Variants in ARFGEF1 observed in about 807,000 individuals in gnomAD.
ARFGEF1 encodes ARF guanine nucleotide exchange factor 1.
Under a neutral mutation model 231.0 loss-of-function variants are expected in ARFGEF1, and 42 were observed. The observed-to-expected ratio is 0.18, with a 90% CI of 0.14 to 0.24. The LOEUF (loss-of-function observed/expected upper bound fraction) is 0.24, where lower values mean the gene tolerates loss of function less well. Among genes scored for constraint, ARFGEF1 ranks in the 10% least tolerant of loss-of-function variants. ARFGEF1 has a pLI of 1.00. For synonymous variants in ARFGEF1, 710 were observed against 732.3 expected, an observed-to-expected ratio of 0.97 and a Z score of 0.49; for missense variants, 1,345 against 2,192.0, an observed-to-expected ratio of 0.61 and a Z score of 7.72.
downstream of ARFGEF1, chr8:67,195,738 A>G (rs933454236): frequency 3.2e-6 from 2 of 629,570 alleles, no homozygotes; most frequent in South Asian, 2.1e-5. Flanking sequence ...ATCATGATGT[A>G]TATTATGTAC....
intron 22 of ARFGEF1, among the ~76,000 whole-genome samples, chr8:67,236,580 G>C (rs111231140): frequency 0.022 from 3,361 of 151,822 alleles, 79 homozygotes; most frequent in South Asian, 0.047. Context: ...TATCCAACGG[G>C]ACGGCCCAAC....
At chr8:67,248,868 T>C (rs563830222) in intron 19 of ARFGEF1, among the ~76,000 whole-genome samples, 1 of 150,808 alleles carries the variant, frequency 6.6e-6, no homozygotes, top group East Asian at 1.9e-4. Flanking sequence ...TACAGATTGT[T>C]TCATGAATGC....
chr8:67,291,393 C>A (rs1024265697), intron 6 of ARFGEF1, among the ~76,000 whole-genome samples: 1 of 150,104 alleles, frequency 6.7e-6, no homozygotes, highest in Non-Finnish European at 1.5e-5. Context: ...TACTCAAAAA[C>A]TTTGTTTTTA....
intron 23 of ARFGEF1, among the ~76,000 whole-genome samples, chr8:67,232,433 CA>C (rs1839584524): frequency 6.6e-6 from 1 of 151,778 alleles, no homozygotes; most frequent in African/African-American, 2.4e-5. Context: ...AAGTCCTTTC[CA>C]AAAAAGTTTA....
At chr8:67,268,775 T>C (rs1804951145) in intron 10 of ARFGEF1, among the ~76,000 whole-genome samples, 1 of 152,230 alleles carries the variant, frequency 6.6e-6, no homozygotes. Flanking sequence ...ACTATTGTCT[T>C]TGAAATACAT....
At chr8:67,294,059 T>C (rs1311669268) in intron 5 of ARFGEF1, among the ~76,000 whole-genome samples, 2 of 152,014 alleles carry the variant, frequency 1.3e-5, no homozygotes, top group Non-Finnish European at 2.9e-5. Context: ...TGAACAAACA[T>C]GTACAGACAA....
intron 19 of ARFGEF1, among the ~76,000 whole-genome samples, chr8:67,242,330 G>A (rs987212248): frequency 3.3e-5 from 5 of 152,242 alleles, no homozygotes; most frequent in Non-Finnish European, 7.3e-5. Flanking sequence ...GGAGAGGGAA[G>A]AATAAAGAGG....
chr8:67,315,327 C>T (rs994570635), intron 1 of ARFGEF1, among the ~76,000 whole-genome samples: 1 of 151,906 alleles, frequency 6.6e-6, no homozygotes, highest in Non-Finnish European at 1.5e-5. Flanking sequence ...AGTAAACATC[C>T]CTCTTACAAC....
chr8:67,263,277 C>T (rs1195524024), intron 14 of ARFGEF1, among the ~76,000 whole-genome samples: 2 of 152,102 alleles, frequency 1.3e-5, no homozygotes, highest in African/African-American at 4.8e-5. Context: ...CTTTGGTGCT[C>T]CAACACCTGT....
intron 19 of ARFGEF1, among the ~76,000 whole-genome samples, 187 bp downstream of exon 19, chr8:67,251,112 C>T (rs1481511474): frequency 6.6e-6 from 1 of 152,244 alleles, no homozygotes; most frequent in East Asian, 1.9e-4. Context: ...AGTAACTCCT[C>T]TTGTTCTCTT....
Position 67,227,250 on chromosome 8 carries a change from G to A in ARFGEF1, c.3803C>T (p.Ala1268Val), listed in dbSNP as rs761379423. ...CTTCCATCCAGATCGAATGTTAGCA[G>A]CTTGAGAATTAACCATCTGTGCTAT... ...RCIAQMVNSQ[A>V]ANIRSGWKNI... Residue 1268 changes from alanine (A) to valine (V), a missense_variant, in exon 27 of 39, where the codon GCT becomes GTT. Physicochemically the swap from Ala to Val is moderately conservative, Grantham distance 64 (BLOSUM62 0). Coordinates refer to ENST00000262215, the MANE Select transcript of ARFGEF1 (RefSeq NM_006421.5). 1 of 1,613,030 alleles carries A rather than the reference G, an allele frequency of 6.2e-7. No individual in the cohort carries two copies. Among genetic ancestry groups the A allele is most frequent in the South Asian group, 1.1e-5 (1 of 91,034 alleles).
chr8:67,211,932 G>A (rs1838765885), intron 33 of ARFGEF1, among the ~76,000 whole-genome samples: 1 of 152,016 alleles, frequency 6.6e-6, no homozygotes, highest in Non-Finnish European at 1.5e-5. Context: ...CTTTTGCAGG[G>A]GTGAATTTAG....
rs1839601439 is a variant in ARFGEF1, at chr8:67,232,957, A to G, written c.3290-12T>C. ...CACATTTCCTCCAACTACCACACAT[A>G]AAAAAAAGTCATTTCAGTTTGAAAA... is the stretch of plus-strand genomic sequence containing the variant. On this transcript the variant is annotated splice_polypyrimidine_tract_variant and intron_variant, in intron 22 of 38. Coordinates refer to ENST00000262215, the MANE Select transcript of ARFGEF1 (RefSeq NM_006421.5). The G allele has an allele frequency of 1.3e-6, 2 of 1,564,508 alleles. No homozygotes were observed. The highest frequency in any genetic ancestry group is 2.3e-5 in the East Asian group (1 of 44,016).
chr8:67,184,043 G>C (rs1427910634), intron 5 of ARFGEF1, among the ~76,000 whole-genome samples: 5 of 152,016 alleles, frequency 3.3e-5, no homozygotes, highest in Non-Finnish European at 7.4e-5. Flanking sequence ...AGTAGAGACG[G>C]GGTTTCACCG....
chr8:67,228,344 C>G, intron 23 of ARFGEF1, 80 bp from the exon 24 acceptor site: 1 of 1,347,878 alleles, frequency 7.4e-7, no homozygotes. Context: ...GCATGGGGTA[C>G]TAGCTATTTT....
intron 30 of ARFGEF1, among the ~76,000 whole-genome samples, chr8:67,218,365 G>A (rs1413242170): frequency 6.6e-6 from 1 of 150,612 alleles, no homozygotes; most frequent in Non-Finnish European, 1.5e-5. Flanking sequence ...AACCACCTAT[G>A]TATACAATAA....
At chr8:67,224,776 AATT>A in intron 29 of ARFGEF1, 124 bp downstream of exon 29, 1 of 526,350 alleles carries the variant, frequency 1.9e-6, no homozygotes, top group Non-Finnish European at 3.0e-6. Context: ...TATACCTAAT[AATT>A]AATATATTTG....
intron 7 of ARFGEF1, among the ~76,000 whole-genome samples, chr8:67,281,410 A>G (rs1175040903): frequency 6.6e-6 from 1 of 152,164 alleles, no homozygotes; most frequent in East Asian, 1.9e-4. Flanking sequence ...ACAGTCACGT[A>G]TATACAAAAG....
chr8:67,287,308 T>C (rs1221323933), intron 7 of ARFGEF1, among the ~76,000 whole-genome samples: 1 of 152,104 alleles, frequency 6.6e-6, no homozygotes, highest in Non-Finnish European at 1.5e-5. Context: ...CCTGAGTCTC[T>C]AATGAGCTTC....
Sources: allele counts gnomAD v4.1 joint callset (sites outside exome capture counted in the v4.1 genomes callset), GRCh38; gene constraint gnomAD v4.1.1; transcripts MANE v1.5; gene names NCBI Gene and HGNC (gene_info 2026-07-23, HGNC 2026-07-21).